The following APAF1 variants were observed in gnomAD, a reference collection of about 807,000 sequenced individuals.
APAF1 encodes the protein apoptotic peptidase activating factor 1.
Under a neutral mutation model 152.4 loss-of-function variants are expected in APAF1, and 91 were observed. The ratio of observed to expected loss-of-function variants is 0.60; its 90% CI spans 0.50 to 0.71. APAF1 has a LOEUF of 0.71. APAF1 is among the 30% of genes least tolerant of loss of function. APAF1 has a pLI of 0.00. For missense variants in APAF1, 1,283 were observed against 1,472.0 expected, an observed-to-expected ratio of 0.87 and a Z score of 2.10; for synonymous variants, 484 against 494.1, an observed-to-expected ratio of 0.98 and a Z score of 0.27.
At chr12:98,689,574 C>G (rs1444484833) in intron 16 of APAF1, among the ~76,000 whole-genome samples, 1 of 152,054 alleles carries the variant, frequency 6.6e-6, no homozygotes, top group East Asian at 1.9e-4. Context: ...ATCCTCCTGC[C>G]TCAACCGCCT....
In APAF1 at chr12:98,649,891, A is replaced by G. The variant is rs373491125; in HGVS notation, c.526+207A>G. On this transcript the variant is annotated intron_variant, in intron 4 of 26. Coordinates refer to ENST00000551964, the MANE Select transcript of APAF1 (RefSeq NM_181861.2). ...ATGACATCTTAGCAGGAGTTTGGAG[A>G]AAGAATAAAAGTTAGCTAGGCAGTG... Among the ~76,000 whole-genome samples the G allele has an allele frequency of 8.9e-4, 135 of 152,202 alleles. No homozygotes were observed. The Middle Eastern group carries it at 0.02, about 23-fold the overall frequency.
At chr12:98,696,981 G>T (rs76611271) in intron 16 of APAF1, among the ~76,000 whole-genome samples, 3 of 152,182 alleles carry the variant, frequency 2.0e-5, no homozygotes, top group Non-Finnish European at 4.4e-5. Flanking sequence ...AATCATAAAC[G>T]TATGAAGACA....
intron 12 of APAF1, among the ~76,000 whole-genome samples, chr12:98,676,872 T>TGAC (rs1267342756): frequency 1.3e-5 from 2 of 152,198 alleles, no homozygotes; most frequent in Admixed American, 6.5e-5. Flanking sequence ...CTTGAACTCC[T>TGAC]GACCTCAGGT....
chr12:98,706,684 A>G, intron 19 of APAF1, 74 bp downstream of exon 19: 2 of 1,562,164 alleles, frequency 1.3e-6, no homozygotes, highest in Non-Finnish European at 1.8e-6. Flanking sequence ...TAAGAAATTG[A>G]TGGGTAGCAC....
At chr12:98,658,965 A>G (rs2097661243) in intron 4 of APAF1, among the ~76,000 whole-genome samples, 195 bp from the exon 5 acceptor site, 1 of 152,196 alleles carries the variant, frequency 6.6e-6, no homozygotes, top group Non-Finnish European at 1.5e-5. Context: ...CAGTTTCTTC[A>G]CATCTTCAAC....
rs777531131 is a variant in APAF1 at position 98,671,100 on chromosome 12, C to G, written c.1608+14C>G. ...CTAGATGAAAAGGTATATATATTAA[C>G]ATGAAAAATTAGTGCTAAAAAGGAA... On this transcript the variant is annotated intron_variant, in intron 11 of 26. Transcript: ENST00000551964. 11 of 1,464,234 alleles carry G rather than the reference C, an allele frequency of 7.5e-6. No homozygotes were observed. The highest frequency in any genetic ancestry group is 6.7e-6 in the Non-Finnish European group (7 of 1,047,856). 90.7% of individuals were successfully genotyped at this position (1,464,234 alleles called of 1,614,324 possible). A position where few individuals can be genotyped will look rare whatever the true frequency, so the allele number is the denominator to read the frequency against.
In APAF1 at chr12:98,723,123, A is replaced by G. The variant is rs572268949; in HGVS notation, c.3085-70A>G. 8 of 1,518,466 alleles carry G rather than the reference A, an allele frequency of 5.3e-6. No homozygotes were observed. The South Asian group carries it at 6.8e-5, about 13-fold the overall frequency. The allele number at this position is 1,518,466 out of a possible 1,614,324, so 94.1% of individuals were successfully genotyped here. The stretch of plus-strand genomic sequence containing the variant: ...AAAGACTTTAGACAAGAGAATGTAC[A>G]CTCTCTCCACCCCTCCAATGAGATA... On this transcript the variant is annotated intron_variant, in intron 22 of 26. Coordinates refer to ENST00000551964, the MANE Select transcript of APAF1 (RefSeq NM_181861.2).
At chr12:98,688,470 C>CTT (rs66619012) in intron 16 of APAF1, among the ~76,000 whole-genome samples, 5 of 97,320 alleles carry the variant, frequency 5.1e-5, no homozygotes, top group Admixed American at 3.3e-4. Flanking sequence ...TGTTTTCTTT[C>CTT]TTTTTTTTTT....
chr12:98,706,678 A>T (rs1230076168), intron 19 of APAF1, 68 bp downstream of exon 19: 4 of 1,576,536 alleles, frequency 2.5e-6, no homozygotes, highest in Non-Finnish European at 3.5e-6. Context: ...ACAAACTAAG[A>T]AATTGATGGG....
At chr12:98,684,388 C>T (rs1028251337) in intron 15 of APAF1, among the ~76,000 whole-genome samples, 1 of 149,704 alleles carries the variant, frequency 6.7e-6, no homozygotes, top group African/African-American at 2.5e-5. Context: ...TTTCCCTCTC[C>T]TCTCTCTCTC....
chr12:98,648,312 G>A lies in APAF1; in HGVS notation c.-41-7G>A. ...GCCTGACAAATATTTTGGTGTTTTG[G>A]CTGTAGCTCATGGTTGACAGCTCAG... On this transcript the variant is annotated splice_region_variant and splice_polypyrimidine_tract_variant and intron_variant, in intron 1 of 26. Transcript: ENST00000551964. The A allele has an allele frequency of 6.2e-7, 1 of 1,611,190 alleles. No individual in the cohort carries two copies. Among genetic ancestry groups the A allele is most frequent in the Non-Finnish European group, 8.5e-7 (1 of 1,177,830 alleles).
At position 98,666,254 on chromosome 12, in the gene APAF1, A is replaced by C; in HGVS notation, c.1259A>C (p.Asn420Thr). The change falls in exon 9 of 27, where the codon AAT becomes ACT. Residue 420 changes from asparagine (N) to threonine (T), a missense_variant. Transcript: ENST00000551964. Reference protein sequence around the residue: ...EVEDILQEFVNKSLLFCDRNG... With the variant: ...EVEDILQEFVTKSLLFCDRNG... The stretch of plus-strand genomic sequence containing the variant: ...GAAGACATACTGCAGGAGTTTGTAA[A>C]TAAGTCTCTTTTATTCTGTGATCGG... 6.2e-7 allele frequency: 1 copy of C among 1,614,006 alleles called. No homozygotes were observed. The highest frequency in any genetic ancestry group is 8.5e-7 in the Non-Finnish European group (1 of 1,179,910).
intron 22 of APAF1, among the ~76,000 whole-genome samples, chr12:98,719,210 A>G (rs1159851985): frequency 6.6e-6 from 1 of 152,144 alleles, no homozygotes; most frequent in East Asian, 1.9e-4. Flanking sequence ...CTGTGTGGCT[A>G]TCTTAGGATT....
At chr12:98,691,264 C>A (rs1475701336) in intron 16 of APAF1, among the ~76,000 whole-genome samples, 1 of 151,920 alleles carries the variant, frequency 6.6e-6, no homozygotes, top group East Asian at 1.9e-4. Flanking sequence ...CCTTCTTTTC[C>A]TGGCACCTTG....
chr12:98,660,359 A>G (rs1208456949), intron 5 of APAF1, among the ~76,000 whole-genome samples: 1 of 151,988 alleles, frequency 6.6e-6, no homozygotes, highest in Non-Finnish European at 1.5e-5. Context: ...TAAAAAAAAA[A>G]AGTCAGGAAG....
intron 5 of APAF1, among the ~76,000 whole-genome samples, chr12:98,659,707 G>A (rs1294900874): frequency 1.4e-5 from 2 of 140,050 alleles, no homozygotes; most frequent in Admixed American, 7.6e-5. Flanking sequence ...AGCCGAGATC[G>A]TGCCATTGCA....
chr12:98,688,470 CTT>C lies in APAF1; in HGVS notation c.2304+1614_2304+1615del, dbSNP rs66619012. On this transcript the variant is annotated intron_variant, in intron 16 of 26. Transcript: ENST00000551964. ...ATAACCTTCTACCACTGTTTTCTTT[CTT>C]TTTTTTTTTTTTTTTTGGAGACAGA... Among the ~76,000 whole-genome samples the C allele has an allele frequency of 6.5e-3, 635 of 97,286 alleles. 4 individuals are homozygous for C. Among genetic ancestry groups the C allele is most frequent in the African/African-American group, 0.019 (464 of 24,770 alleles). The allele number at this position is 97,286 out of a possible 152,430, so 63.8% of individuals were successfully genotyped here. A position where few individuals can be genotyped will look rare whatever the true frequency, so the allele number is the denominator to read the frequency against.
chr12:98,671,821 G>A (rs746781136), intron 12 of APAF1, 102 bp downstream of exon 12: 15 of 1,095,572 alleles, frequency 1.4e-5, no homozygotes, highest in South Asian at 3.9e-5. Context: ...AACTACTTTC[G>A]AAAGGGCTGG....
At chr12:98,726,875 C>T (rs1006934039) in intron 25 of APAF1, among the ~76,000 whole-genome samples, 5 of 152,042 alleles carry the variant, frequency 3.3e-5, no homozygotes, top group Admixed American at 6.6e-5. Context: ...TTTTTCCATT[C>T]GGTTCTCTTG....
Sources: gnomAD v4.1 joint callset for allele counts (sites outside exome capture counted in the v4.1 genomes callset) on GRCh38, gnomAD v4.1.1 for gene constraint, MANE v1.5 for transcripts, NCBI Gene and HGNC (gene_info 2026-07-23, HGNC 2026-07-21) for gene names.